The following KCNT2 variants were observed in gnomAD, a reference collection of about 807,000 sequenced individuals.
The protein encoded by KCNT2 is potassium sodium-activated channel subfamily T member 2.
Under a neutral mutation model 153.8 loss-of-function variants are expected in KCNT2, and 67 were observed. That is an observed-to-expected ratio of 0.44 (90% CI 0.36 to 0.53). The LOEUF is 0.53. Ranked by LOEUF, KCNT2 falls within the 20% of genes least tolerant of loss-of-function variation. The pLI is 0.00. For missense variants in KCNT2, 975 were observed against 1,354.8 expected (o/e 0.72, Z 4.40); for synonymous variants, 500 against 458.8 (o/e 1.09, Z -1.15).
intron 1 of KCNT2, among the ~76,000 whole-genome samples, chr1:196,508,362 A>G (rs1681334209): frequency 6.6e-6 from 1 of 152,038 alleles, no homozygotes; most frequent in Non-Finnish European, 1.5e-5. Flanking sequence ...TACTTTAGAA[A>G]CAAAACAAAA....
rs573004933 is a variant in KCNT2 at position 196,294,938 on chromosome 1, C to T, written c.2596-9180G>A. Among the ~76,000 whole-genome samples, 6 of 151,312 alleles carry T rather than the reference C, an allele frequency of 4.0e-5. 1 individual carries two copies. Among genetic ancestry groups the T allele is most frequent in the African/African-American group, 1.2e-4 (5 of 41,288 alleles). ...GGGGATGTTGATCAAAAGAGTGCAACGTTTCAGTTAAGAGGAAAAAGCTTA... is the reference window on the plus strand; with the variant it reads ...GGGGATGTTGATCAAAAGAGTGCAATGTTTCAGTTAAGAGGAAAAAGCTTA... On this transcript the variant is annotated intron_variant, in intron 22 of 27. Transcript: ENST00000294725.
chr1:196,568,147 G>A (rs1024075607), intron 1 of KCNT2, among the ~76,000 whole-genome samples: 4 of 152,142 alleles, frequency 2.6e-5, no homozygotes, highest in Non-Finnish European at 5.9e-5. Flanking sequence ...TTTGGCACCA[G>A]AGACTAGTTT....
At chr1:196,240,503 C>A (rs1211766196) in intron 26 of KCNT2, among the ~76,000 whole-genome samples, 1 of 151,872 alleles carries the variant, frequency 6.6e-6, no homozygotes, top group African/African-American at 2.4e-5. Context: ...TAGTAGCAGG[C>A]AAAATCAAGC....
intron 14 of KCNT2, among the ~76,000 whole-genome samples, chr1:196,342,448 G>GTATATATATATATATATATATATATGTA (rs72201546): frequency 2.0e-5 from 2 of 100,264 alleles, no homozygotes; most frequent in African/African-American, 8.2e-5. Flanking sequence ...ATATATATAT[G>GTATATATATATATATATATATATATGTA]TATATATATA....
At chr1:196,313,582 A>G (rs1662404901) in intron 21 of KCNT2, among the ~76,000 whole-genome samples, 1 of 151,646 alleles carries the variant, frequency 6.6e-6, no homozygotes, top group South Asian at 2.1e-4. Context: ...TTCTTCTTAT[A>G]TCATAGAAAC....
chr1:196,330,747 T>A (rs1664380067), intron 18 of KCNT2, among the ~76,000 whole-genome samples: 1 of 152,004 alleles, frequency 6.6e-6, no homozygotes, highest in African/African-American at 2.4e-5. Flanking sequence ...TAAATGAATC[T>A]TTGTGTCTAA....
chr1:196,445,841 A>C (rs1675642555), intron 8 of KCNT2, among the ~76,000 whole-genome samples: 1 of 151,396 alleles, frequency 6.6e-6, no homozygotes, highest in African/African-American at 2.4e-5. Context: ...TGTCAATGGT[A>C]CATTTAATTG....
At chr1:196,262,427 T>C (rs1657114563) in intron 25 of KCNT2, among the ~76,000 whole-genome samples, 1 of 152,030 alleles carries the variant, frequency 6.6e-6, no homozygotes, top group Admixed American at 6.6e-5. Context: ...TGATTGAAGT[T>C]AGAATTGTTG....
At chr1:196,564,589 G>A (rs1410012296) in intron 1 of KCNT2, among the ~76,000 whole-genome samples, 2 of 151,664 alleles carry the variant, frequency 1.3e-5, no homozygotes, top group Admixed American at 1.3e-4. Flanking sequence ...ACACTATCTG[G>A]CTTCAAATAT....
chr1:196,430,404 CTCTT>C (rs1469661383), intron 8 of KCNT2, among the ~76,000 whole-genome samples: 16 of 147,264 alleles, frequency 1.1e-4, no homozygotes, highest in Admixed American at 9.4e-4. Flanking sequence ...CTCTCTCTCT[CTCTT>C]TCTCTCTCTC....
At chr1:196,488,427 CA>C (rs1286220065) in intron 3 of KCNT2, among the ~76,000 whole-genome samples, 1 of 151,870 alleles carries the variant, frequency 6.6e-6, no homozygotes, top group East Asian at 1.9e-4. Flanking sequence ...CAATTATGGC[CA>C]AACATTCTTA....
intron 1 of KCNT2, among the ~76,000 whole-genome samples, chr1:196,589,991 A>G (rs886582971): frequency 6.6e-6 from 1 of 152,200 alleles, no homozygotes; most frequent in African/African-American, 2.4e-5. Context: ...AATAGTGTGT[A>G]GAGTACAATA....
intron 2 of KCNT2, among the ~76,000 whole-genome samples, chr1:196,491,511 C>G (rs924559669): frequency 6.6e-6 from 1 of 151,932 alleles, no homozygotes; most frequent in Non-Finnish European, 1.5e-5. Flanking sequence ...GCAGGCCTCT[C>G]CATTCCCTGT....
intron 1 of KCNT2, among the ~76,000 whole-genome samples, chr1:196,553,830 A>G (rs1269282326): frequency 6.6e-6 from 1 of 151,256 alleles, no homozygotes; most frequent in Non-Finnish European, 1.5e-5. Flanking sequence ...AATAGCAATT[A>G]TGAAAGGTGT....
intron 13 of KCNT2, among the ~76,000 whole-genome samples, chr1:196,378,517 C>T (rs1030066998): frequency 6.6e-6 from 1 of 151,624 alleles, no homozygotes; most frequent in Non-Finnish European, 1.5e-5. Context: ...TTTAGTGGCG[C>T]TATATGAATG....
chr1:196,547,266 C>A (rs569626913), intron 1 of KCNT2, among the ~76,000 whole-genome samples: 2 of 151,748 alleles, frequency 1.3e-5, no homozygotes, highest in African/African-American at 4.8e-5. Flanking sequence ...GACAATTATA[C>A]CCCTAAATAG....
chr1:196,562,162 G>A (rs1659499108), intron 1 of KCNT2, among the ~76,000 whole-genome samples: 1 of 151,914 alleles, frequency 6.6e-6, no homozygotes, highest in African/African-American at 2.4e-5. Flanking sequence ...TTTCCCACAA[G>A]AGACAGCTTT....
chr1:196,303,467 C>A (rs1228303056), intron 22 of KCNT2, among the ~76,000 whole-genome samples: 1 of 152,136 alleles, frequency 6.6e-6, no homozygotes, highest in East Asian at 1.9e-4. Context: ...CTCACAAATA[C>A]TGAAATTACC....
intron 12 of KCNT2, among the ~76,000 whole-genome samples, chr1:196,418,941 G>A (rs1672967319): frequency 6.6e-6 from 1 of 151,962 alleles, no homozygotes; most frequent in Non-Finnish European, 1.5e-5. Flanking sequence ...CCTTCCTGAA[G>A]TTCTCCACTC....
Sources: gnomAD v4.1 joint callset for allele counts (sites outside exome capture counted in the v4.1 genomes callset) on GRCh38, gnomAD v4.1.1 for gene constraint, MANE v1.5 for transcripts, NCBI Gene and HGNC (gene_info 2026-07-23, HGNC 2026-07-21) for gene names.